The following RC3H1 variants were observed in gnomAD, a reference collection of about 807,000 sequenced individuals.
RC3H1 encodes ring finger and CCCH-type domains 1, also known as roquin-1.
Under a neutral mutation model 138.2 loss-of-function variants are expected in RC3H1, and 50 were observed. That is an observed-to-expected ratio of 0.36 (90% CI 0.29 to 0.46). RC3H1 has a LOEUF of 0.46. Ranked by LOEUF, RC3H1 falls within the 20% of genes least tolerant of loss-of-function variation. The pLI is 1.00. For missense variants in RC3H1, 1,031 were observed against 1,388.1 expected (o/e 0.74, Z 4.09); for synonymous variants, 462 against 489.1 (o/e 0.94, Z 0.73).
chr1:173,992,613 A>C (rs1661335200), intron 2 of RC3H1, 142 bp downstream of exon 2: 5 of 625,250 alleles, frequency 8.0e-6, no homozygotes, highest in Non-Finnish European at 1.1e-5. Flanking sequence ...TTTAAATAGA[A>C]GGCAATGTTA....
chr1:173,988,051 C>T (rs1032591419), intron 2 of RC3H1, among the ~76,000 whole-genome samples: 29 of 152,170 alleles, frequency 1.9e-4, no homozygotes, highest in African/African-American at 6.5e-4. Context: ...TTTAATCTTA[C>T]ACAATCTACC....
intron 9 of RC3H1, among the ~76,000 whole-genome samples, chr1:173,970,161 C>T (rs1023513105): frequency 6.6e-6 from 1 of 152,008 alleles, no homozygotes; most frequent in African/African-American, 2.4e-5. Context: ...GGATAAGACC[C>T]AAATATATAA....
intron 7 of RC3H1, among the ~76,000 whole-genome samples, chr1:173,973,050 C>T (rs974110206): frequency 6.6e-6 from 1 of 152,192 alleles, no homozygotes; most frequent in African/African-American, 2.4e-5. Flanking sequence ...CACTGTTTCC[C>T]AGGGAAACCT....
chr1:173,940,070 T>C (rs1033250479), intron 19 of RC3H1, among the ~76,000 whole-genome samples: 1 of 152,196 alleles, frequency 6.6e-6, no homozygotes, highest in African/African-American at 2.4e-5. Context: ...TCTTTCCGTA[T>C]CTACAGAATA....
chr1:173,942,575 G>A (rs910686890), intron 18 of RC3H1, among the ~76,000 whole-genome samples: 12 of 152,184 alleles, frequency 7.9e-5, no homozygotes, highest in African/African-American at 2.9e-4. Flanking sequence ...GCTCACACCT[G>A]TAATCCCAGC....
At chr1:173,963,694 C>T (rs1211942840) in intron 11 of RC3H1, among the ~76,000 whole-genome samples, 1 of 152,082 alleles carries the variant, frequency 6.6e-6, no homozygotes, top group Non-Finnish European at 1.5e-5. Context: ...ATTTCCATTG[C>T]CTACTTGTGT....
At chr1:174,019,006 T>C (rs1001295217) in intron 1 of RC3H1, among the ~76,000 whole-genome samples, 20 of 152,192 alleles carry the variant, frequency 1.3e-4, no homozygotes, top group African/African-American at 4.8e-4. Flanking sequence ...GAACTTCAAA[T>C]ATTAGCTGAC....
chr1:173,992,669 A>AACACACACAC (rs34709821), intron 2 of RC3H1, 86 bp downstream of exon 2: 28 of 657,858 alleles, frequency 4.3e-5, no homozygotes, highest in African/African-American at 1.7e-4. Flanking sequence ...AAACACGCAC[A>AACACACACAC]ACACACACAC....
rs938137601 is a variant in RC3H1 at position 173,942,836 on chromosome 1, A to C, written c.3135+606T>G. 2.6e-5 allele frequency among the ~76,000 whole-genome samples: 4 copies of C among 152,250 alleles called. No individual in the cohort carries two copies. In the South Asian group the frequency reaches 8.3e-4, roughly 32 times the overall value. On this transcript the variant is annotated intron_variant, in intron 18 of 19. Coordinates refer to ENST00000367696, the MANE Select transcript of RC3H1 (RefSeq NM_172071.4). ...CAGAGACTCCGCCTCAAAAAAAAAA[A>C]GAAAGATTATGAAAACTAAGCAACA...
chr1:173,972,283 G>C lies in RC3H1; in HGVS notation c.1221+226C>G, dbSNP rs114201113. On this transcript the variant is annotated intron_variant, in intron 8 of 19. Coordinates refer to ENST00000367696, the MANE Select transcript of RC3H1 (RefSeq NM_172071.4). ...GAAGACTGACCCCAGCATGACATCA[G>C]ATCAATAAGGATTATTTAATGTCAA... is the stretch of plus-strand genomic sequence containing the variant. Among the ~76,000 whole-genome samples the C allele has an allele frequency of 1.6e-3, 251 of 152,296 alleles. 1 individual carries two copies. The highest frequency in any genetic ancestry group is 5.8e-3 in the African/African-American group (239 of 41,564).
At chr1:173,995,805 A>G (rs1262161156) in intron 1 of RC3H1, among the ~76,000 whole-genome samples, 1 of 152,254 alleles carries the variant, frequency 6.6e-6, no homozygotes, top group East Asian at 1.9e-4. Flanking sequence ...AAGCACTCAT[A>G]TGCTGCTACA....
rs779854867 is a variant in RC3H1 at position 173,964,923 on chromosome 1, C to T, written c.1532G>A (p.Gly511Glu). The T allele has an allele frequency of 1.2e-6, 2 of 1,614,018 alleles. No individual in the cohort carries two copies. Among genetic ancestry groups the T allele is most frequent in the South Asian group, 1.1e-5 (1 of 91,080 alleles). The change falls in exon 10 of 20, where the codon GGG becomes GAG. Residue 511 changes from glycine to glutamate, a missense_variant. This residue lies in a region of RC3H1 where 716 missense variants were observed against 837.9 expected (regional missense o/e 0.85). Transcript: ENST00000367696. ...ACTAGAATCATAGCTGGGGTCTGTCCCTCGCGGAATAAGCTGTGTTACTGT... is the reference window on the plus strand; with the variant it reads ...ACTAGAATCATAGCTGGGGTCTGTCTCTCGCGGAATAAGCTGTGTTACTGT... ...GNTVTQLIPR[G>E]TDPSYDSSLK...
intron 1 of RC3H1, among the ~76,000 whole-genome samples, chr1:173,993,927 G>A (rs182007986): frequency 4.5e-4 from 67 of 149,708 alleles, no homozygotes; most frequent in African/African-American, 1.5e-3. Context: ...GGCTGAGGCG[G>A]GAGAATCGCT....
intron 1 of RC3H1, among the ~76,000 whole-genome samples, chr1:173,995,545 A>AT (rs1557950082): frequency 6.6e-6 from 1 of 151,966 alleles, no homozygotes; most frequent in African/African-American, 2.4e-5. Flanking sequence ...AAAAAAAAAA[A>AT]AAAGAAAAAG....
intron 15 of RC3H1, 130 bp from the exon 16 acceptor site, chr1:173,946,966 T>A (rs1214376078): frequency 1.5e-6 from 1 of 650,374 alleles, no homozygotes; most frequent in African/African-American, 1.8e-5. Context: ...TCCAGATTTT[T>A]AAAATTCTTT....
Position 173,980,810 on chromosome 1 carries a change from T to G in RC3H1, c.968A>C (p.Lys323Thr). The G allele has an allele frequency of 1.2e-6, 2 of 1,612,032 alleles. No individual in the cohort carries two copies. The highest frequency in any genetic ancestry group is 1.7e-6 in the Non-Finnish European group (2 of 1,178,304). Reference sequence around the variant, plus strand: ...AGTAAGGAACAAAAAAGGTCCTACCTTGTCAATAATGGACTGCATATGAGA... The same window carrying G: ...AGTAAGGAACAAAAAAGGTCCTACCGTGTCAATAATGGACTGCATATGAGA... ...HKSHMQSIIDKLQTPASFAQS... is the reference protein window; with the variant it reads ...HKSHMQSIIDTLQTPASFAQS... The change falls in exon 6 of 20, where the codon AAG becomes ACG. Residue 323 changes from lysine to threonine, a missense_variant and splice_region_variant. Lys to Thr is a moderately conservative substitution (Grantham distance 78, BLOSUM62 -1). Around this residue, in one of 7 missense-constraint regions of RC3H1, gnomAD observed 142 missense variants for 224.6 expected, o/e 0.63. Transcript: ENST00000367696.
At chr1:173,988,022 G>A (rs999950370) in intron 2 of RC3H1, among the ~76,000 whole-genome samples, 4 of 152,148 alleles carry the variant, frequency 2.6e-5, no homozygotes, top group Non-Finnish European at 4.4e-5. Context: ...ACTGCTTATA[G>A]ATAATATCTT....
intron 1 of RC3H1, among the ~76,000 whole-genome samples, chr1:174,015,634 G>C (rs918322513): frequency 3.3e-5 from 5 of 151,000 alleles, no homozygotes; most frequent in Non-Finnish European, 7.4e-5. Flanking sequence ...CGAAGTTCTG[G>C]GATTACAGGC....
Position 173,992,749 on chromosome 1 carries a change from T to C in RC3H1, c.231+6A>G. On this transcript the variant is annotated splice_donor_region_variant and intron_variant, in intron 2 of 19. Transcript: ENST00000367696. ...AAATTTAAAAGTATTAAGTCACCCA[T>C]CCTACCTGAGCACCCACGAGCTGCA... 6.2e-7 allele frequency: 1 copy of C among 1,600,060 alleles called. No homozygotes were observed. Among genetic ancestry groups the C allele is most frequent in the Non-Finnish European group, 8.6e-7 (1 of 1,168,544 alleles).
Sources: allele counts gnomAD v4.1 joint callset (sites outside exome capture counted in the v4.1 genomes callset), GRCh38; gene constraint gnomAD v4.1.1; regional missense constraint gnomAD v4.1.1; transcripts MANE v1.5; gene names NCBI Gene and HGNC (gene_info 2026-07-23, HGNC 2026-07-21).